The following EVI5 variants were observed in gnomAD, a reference collection of about 807,000 sequenced individuals.
EVI5 encodes the protein ecotropic viral integration site 5.
EVI5 carries 73 observed loss-of-function variants against 112.0 expected under a neutral mutation model. The ratio of observed to expected loss-of-function variants is 0.65; its 90% confidence interval spans 0.54 to 0.79. The LOEUF is 0.79. Among genes scored for constraint, EVI5 ranks in the 30% least tolerant of loss-of-function variants. The probability of loss-of-function intolerance (pLI) is 0.00; values close to 1 mark genes in which losing one functional copy is unlikely to be tolerated. For missense variants in EVI5, 900 were observed against 968.8 expected (o/e 0.93, Z 0.94); for synonymous variants, 305 against 319.9 (o/e 0.95, Z 0.50).
chr1:92,562,565 A>G (rs1384478540), intron 19 of EVI5, among the ~76,000 whole-genome samples: 1 of 152,184 alleles, frequency 6.6e-6, no homozygotes, highest in African/African-American at 2.4e-5. Flanking sequence ...ACAAATAGGT[A>G]AAGATTATAT....
At chr1:92,529,341 G>A (rs1307680913) in intron 19 of EVI5, among the ~76,000 whole-genome samples, 1 of 151,908 alleles carries the variant, frequency 6.6e-6, no homozygotes, top group South Asian at 2.1e-4. Context: ...TTGCTAACAT[G>A]AACTCTCATC....
chr1:92,695,677 T>C (rs1038046752), intron 6 of EVI5, among the ~76,000 whole-genome samples: 15 of 152,144 alleles, frequency 9.9e-5, no homozygotes, highest in African/African-American at 3.6e-4. Context: ...ATTTAATTTA[T>C]TAATAAAAAG....
intron 19 of EVI5, among the ~76,000 whole-genome samples, chr1:92,542,587 T>G (rs1254525755): frequency 6.6e-6 from 1 of 152,248 alleles, no homozygotes; most frequent in Non-Finnish European, 1.5e-5. Flanking sequence ...ATTAGAGGAA[T>G]CACTATATAT....
intron 18 of EVI5, among the ~76,000 whole-genome samples, chr1:92,583,468 G>A (rs755178931): frequency 3.9e-5 from 5 of 126,750 alleles, no homozygotes; most frequent in East Asian, 2.4e-4. Context: ...CCGAGATCAC[G>A]CTACTGTGCT....
intron 19 of EVI5, among the ~76,000 whole-genome samples, chr1:92,542,861 A>G (rs982789288): frequency 2.0e-5 from 3 of 152,078 alleles, no homozygotes; most frequent in African/African-American, 7.2e-5. Flanking sequence ...GAAGGAAATC[A>G]TTTTTTCTGA....
chr1:92,663,876 C>T (rs1383276992), intron 11 of EVI5, among the ~76,000 whole-genome samples: 1 of 152,158 alleles, frequency 6.6e-6, no homozygotes, highest in Non-Finnish European at 1.5e-5. Context: ...GCCTCCTGAG[C>T]AGCTAGGACT....
chr1:92,646,143 T>C (rs1362230522), intron 13 of EVI5, among the ~76,000 whole-genome samples: 1 of 152,216 alleles, frequency 6.6e-6, no homozygotes, highest in Non-Finnish European at 1.5e-5. Flanking sequence ...ATATTATCAT[T>C]TATTTAGTCT....
In EVI5 at chr1:92,784,854, A is replaced by G; in HGVS notation, c.-100T>C. On this transcript the variant is annotated 5_prime_UTR_variant, in exon 1 of 20. Transcript: ENST00000684568. ...CCCTCACCTTGGAAACGTTGAGTAG[A>G]CTTCGCCGTAAACATTAACTTCCCA... The G allele has an allele frequency of 1.0e-6, 1 of 985,394 alleles. No homozygotes were observed. Among genetic ancestry groups the G allele is most frequent in the Non-Finnish European group, 1.2e-6 (1 of 830,162 alleles). The allele number at this position is 985,394 out of a possible 1,614,324, so 61.0% of individuals were successfully genotyped here.
At chr1:92,574,687 G>C (rs937042709) in intron 18 of EVI5, among the ~76,000 whole-genome samples, 2 of 152,114 alleles carry the variant, frequency 1.3e-5, no homozygotes, top group African/African-American at 4.8e-5. Context: ...AAGTTGTAAA[G>C]GGTATCCTTA....
intron 1 of EVI5, among the ~76,000 whole-genome samples, chr1:92,754,293 A>T (rs1570775721): frequency 6.6e-6 from 1 of 152,330 alleles, no homozygotes; most frequent in South Asian, 2.1e-4. Flanking sequence ...AAGGCTAGGC[A>T]TTGAGTGGGA....
Position 92,517,493 on chromosome 1 carries a change from G to T in EVI5, c.2167-3523C>A, listed in dbSNP as rs1284405445. Among the ~76,000 whole-genome samples the T allele has an allele frequency of 3.9e-5, 6 of 152,270 alleles. No homozygotes were observed. The East Asian group carries it at 9.6e-4, about 24-fold the overall frequency. ...GTTCAAATAAAATGGGGCTGAGACAGAAAAAAGTTGATTTAGCTGAAATGG... is the reference window on the plus strand; with the variant it reads ...GTTCAAATAAAATGGGGCTGAGACATAAAAAAGTTGATTTAGCTGAAATGG... On this transcript the variant is annotated intron_variant, in intron 19 of 19. Coordinates refer to ENST00000684568, the MANE Select transcript of EVI5 (RefSeq NM_001350197.2).
In EVI5 at chr1:92,697,959, T is replaced by C; in HGVS notation, c.666A>G (p.Val222=). The stretch of plus-strand genomic sequence containing the variant: ...TATAATCTTGCATTAATTTAACAAA[T>C]ACACAGAAAGCTTCTTCTTCTGGCA... ...MQMPEEEAFC[V]FVKLMQDYRL... Residue 222 remains valine, a synonymous_variant, in exon 6 of 20, where the codon GTA becomes GTG. Transcript: ENST00000684568. 1 of 1,612,290 alleles carries C rather than the reference T, an allele frequency of 6.2e-7. No individual in the cohort carries two copies. The highest frequency in any genetic ancestry group is 8.5e-7 in the Non-Finnish European group (1 of 1,179,224).
intron 16 of EVI5, among the ~76,000 whole-genome samples, chr1:92,608,721 G>GAAA (rs11382906): frequency 6.8e-6 from 1 of 146,396 alleles, no homozygotes. Flanking sequence ...AAAAGGAAAG[G>GAAA]AAAAAAAAAA....
intron 2 of EVI5, among the ~76,000 whole-genome samples, chr1:92,721,541 G>T (rs542407904): frequency 6.6e-6 from 1 of 152,098 alleles, no homozygotes; most frequent in Non-Finnish European, 1.5e-5. Flanking sequence ...GTGGAGGGCT[G>T]GGGGAGGGAT....
At chr1:92,750,367 G>GT (rs1170905134) in intron 1 of EVI5, among the ~76,000 whole-genome samples, 1 of 152,046 alleles carries the variant, frequency 6.6e-6, no homozygotes, top group Admixed American at 6.6e-5. Context: ...ATAAAAAATG[G>GT]TATTTGCTTT....
chr1:92,547,118 T>C (rs1665858302), intron 19 of EVI5, among the ~76,000 whole-genome samples: 1 of 152,100 alleles, frequency 6.6e-6, no homozygotes, highest in African/African-American at 2.4e-5. Flanking sequence ...CCTCAGCAAA[T>C]GTAAAAGAAT....
intron 13 of EVI5, among the ~76,000 whole-genome samples, chr1:92,646,661 G>A (rs1001644577): frequency 5.9e-5 from 9 of 152,164 alleles, no homozygotes; most frequent in Non-Finnish European, 8.8e-5. Context: ...GTTGATAACA[G>A]GATTTCTAGC....
chr1:92,726,778 A>G (rs1675635457), intron 2 of EVI5, among the ~76,000 whole-genome samples: 1 of 152,186 alleles, frequency 6.6e-6, no homozygotes, highest in African/African-American at 2.4e-5. Flanking sequence ...AAACTGGTAC[A>G]AAGGACTGGA....
intron 18 of EVI5, among the ~76,000 whole-genome samples, chr1:92,583,733 C>CT (rs75392768): frequency 0.033 from 4,564 of 138,056 alleles, 207 homozygotes; most frequent in African/African-American, 0.095. Context: ...CTCTCTCTCT[C>CT]TTTTTTTTTT....
Sources: allele counts gnomAD v4.1 joint callset (sites outside exome capture counted in the v4.1 genomes callset), GRCh38; gene constraint gnomAD v4.1.1; transcripts MANE v1.5; gene names NCBI Gene and HGNC (gene_info 2026-07-23, HGNC 2026-07-21).